Variants in BBS9 observed in about 807,000 individuals in gnomAD.
The protein encoded by BBS9 is Bardet-Biedl syndrome 9, also known as protein PTHB1.
A neutral mutation model predicts 117.7 loss-of-function variants in BBS9; 89 were observed. The ratio of observed to expected loss-of-function variants is 0.76; its 90% CI spans 0.64 to 0.90. The LOEUF is 0.90. BBS9 is among the 40% of genes least tolerant of loss of function. The probability of loss-of-function intolerance (pLI) is 0.00; values close to 1 mark genes in which losing one functional copy is unlikely to be tolerated. For synonymous variants in BBS9, 379 were observed against 370.9 expected (o/e 1.02, Z -0.25); for missense variants, 982 against 1,042.2 (o/e 0.94, Z 0.80).
intron 21 of BBS9, among the ~76,000 whole-genome samples, chr7:33,622,226 A>T (rs1865446285): frequency 6.6e-6 from 1 of 152,110 alleles, no homozygotes; most frequent in Non-Finnish European, 1.5e-5. Context: ...AACAAAAAAA[A>T]TAAATAAAAA....
chr7:33,399,843 T>C (rs931226883), intron 19 of BBS9, among the ~76,000 whole-genome samples: 2 of 152,202 alleles, frequency 1.3e-5, no homozygotes, highest in African/African-American at 4.8e-5. Flanking sequence ...ATTGGAGTTA[T>C]GGTTCCCTGG....
intron 14 of BBS9, 67 bp downstream of exon 14, chr7:33,351,390 A>C (rs1361397025): frequency 9.8e-7 from 1 of 1,023,592 alleles, no homozygotes; most frequent in African/African-American, 1.6e-5. Context: ...TATGCATTTA[A>C]GATGAGAAAA....
rs1214175078 is a variant in BBS9 at position 33,392,877 on chromosome 7, C to T, written c.2115+4733C>T. The stretch of plus-strand genomic sequence containing the variant: ...TTTGTCAAGAGTTGTTTAAAGCAAA[C>T]AGAGCAGGCTGGGTATGGTGACTCA... On this transcript the variant is annotated intron_variant, in intron 19 of 22. Transcript: ENST00000242067. 3.9e-5 allele frequency among the ~76,000 whole-genome samples: 6 copies of T among 152,100 alleles called. No individual in the cohort carries two copies. The East Asian group carries it at 9.6e-4, about 24-fold the overall frequency.
chr7:33,375,159 A>G (rs1469308215), intron 17 of BBS9, among the ~76,000 whole-genome samples: 2 of 152,088 alleles, frequency 1.3e-5, no homozygotes, highest in East Asian at 1.9e-4. Context: ...TCCATTTGTA[A>G]TAGAGTGTTA....
intron 5 of BBS9, among the ~76,000 whole-genome samples, chr7:33,222,783 T>C (rs1478102698): frequency 1.3e-5 from 2 of 151,592 alleles, no homozygotes; most frequent in African/African-American, 4.9e-5. Flanking sequence ...CCCCCGTGTC[T>C]ACTAAAAATA....
intron 5 of BBS9, among the ~76,000 whole-genome samples, chr7:33,237,120 C>T (rs1793669500): frequency 6.6e-6 from 1 of 151,952 alleles, no homozygotes; most frequent in South Asian, 2.1e-4. Context: ...TTTTCATTTC[C>T]CTTCTGCAGA....
chr7:33,574,723 ACACG>A (rs1858467081), intron 21 of BBS9, among the ~76,000 whole-genome samples: 1 of 147,476 alleles, frequency 6.8e-6, no homozygotes, highest in South Asian at 2.2e-4. Flanking sequence ...ACACACACAC[ACACG>A]CGCACACACA....
At chr7:33,278,286 T>C (rs941340196) in intron 9 of BBS9, among the ~76,000 whole-genome samples, 1 of 152,176 alleles carries the variant, frequency 6.6e-6, no homozygotes, top group Non-Finnish European at 1.5e-5. Context: ...GGCATAGTTG[T>C]GGTATGGGTT....
intron 1 of BBS9, among the ~76,000 whole-genome samples, chr7:33,139,726 G>A (rs1432830746): frequency 1.4e-5 from 2 of 147,042 alleles, no homozygotes; most frequent in African/African-American, 4.8e-5. Context: ...TTTGAGTGTT[G>A]TATAGTTCTT....
intron 19 of BBS9, among the ~76,000 whole-genome samples, chr7:33,437,958 A>G (rs1835554910): frequency 1.3e-5 from 2 of 152,206 alleles, no homozygotes; most frequent in South Asian, 4.1e-4. Flanking sequence ...TTTTTGCTGG[A>G]CATGGTGTTA....
At chr7:33,390,182 T>C in intron 19 of BBS9, 1 of 908,272 alleles carries the variant, frequency 1.1e-6, no homozygotes, top group Non-Finnish European at 1.3e-6. Context: ...CCTGCCATAC[T>C]TGAGGCTGAA....
At chr7:33,446,974 G>T (rs1209380838) in intron 19 of BBS9, among the ~76,000 whole-genome samples, 1 of 152,158 alleles carries the variant, frequency 6.6e-6, no homozygotes, top group Non-Finnish European at 1.5e-5. Flanking sequence ...CCAAGAGAAG[G>T]TTTAATAGTT....
At chr7:33,442,471 C>A (rs1185110080) in intron 19 of BBS9, among the ~76,000 whole-genome samples, 3 of 152,040 alleles carry the variant, frequency 2.0e-5, no homozygotes, top group Non-Finnish European at 4.4e-5. Flanking sequence ...ATTTGAAGTA[C>A]TTTGGAAACA....
intron 19 of BBS9, among the ~76,000 whole-genome samples, chr7:33,475,882 A>T (rs950298949): frequency 1.3e-5 from 2 of 152,198 alleles, no homozygotes; most frequent in Non-Finnish European, 2.9e-5. Context: ...TTCACTGCCA[A>T]AATGTTCCAG....
intron 5 of BBS9, among the ~76,000 whole-genome samples, chr7:33,178,780 T>G (rs1265021554): frequency 1.4e-5 from 2 of 144,866 alleles, no homozygotes; most frequent in African/African-American, 5.4e-5. Flanking sequence ...TGAACTCAGT[T>G]TTTTTTTTTT....
At chr7:33,315,851 T>C (rs1245327929) in intron 9 of BBS9, among the ~76,000 whole-genome samples, 1 of 152,176 alleles carries the variant, frequency 6.6e-6, no homozygotes, top group African/African-American at 2.4e-5. Flanking sequence ...GCATACAAAG[T>C]AAATAGTATA....
In BBS9 at chr7:33,368,577, T is replaced by TACACACACACACACAC. The variant is rs201655079; in HGVS notation, c.1789+740_1789+755dup. Among the ~76,000 whole-genome samples, 601 of 128,422 alleles carry TACACACACACACACAC rather than the reference T, an allele frequency of 4.7e-3. 7 individuals are homozygous for TACACACACACACACAC. Among genetic ancestry groups the TACACACACACACACAC allele is most frequent in the African/African-American group, 0.016 (586 of 36,130 alleles). The allele number at this position is 128,422 out of a possible 152,430, so 84.2% of individuals were successfully genotyped here. On this transcript the variant is annotated intron_variant, in intron 17 of 22. Coordinates refer to ENST00000242067, the MANE Select transcript of BBS9 (RefSeq NM_198428.3). ...ACGAATCTGTATTGAGAGAAAAAAGTACACACACACACACACACACACACA... is the reference window on the plus strand; with the variant it reads ...ACGAATCTGTATTGAGAGAAAAAAGTACACACACACACACACACACACACACACACACACACACACA...
chr7:33,488,130 C>T (rs1159777800), intron 19 of BBS9, among the ~76,000 whole-genome samples: 1 of 152,206 alleles, frequency 6.6e-6, no homozygotes, highest in African/African-American at 2.4e-5. Flanking sequence ...CAACTGTATT[C>T]ATGCTTCCTC....
At chr7:33,495,128 A>G (rs1339785782) in intron 19 of BBS9, among the ~76,000 whole-genome samples, 1 of 152,212 alleles carries the variant, frequency 6.6e-6, no homozygotes, top group African/African-American at 2.4e-5. Context: ...AAGCCTCAAC[A>G]ATTTCACTCT....
Sources: gnomAD v4.1 joint callset for allele counts (sites outside exome capture counted in the v4.1 genomes callset) on GRCh38, gnomAD v4.1.1 for gene constraint, MANE v1.5 for transcripts, NCBI Gene and HGNC (gene_info 2026-07-23, HGNC 2026-07-21) for gene names.